Variants in FLNC observed in about 807,000 individuals in gnomAD.
The protein encoded by FLNC is filamin C.
FLNC carries 91 observed loss-of-function variants against 254.3 expected under a neutral mutation model. That is an observed-to-expected ratio of 0.36 (90% CI 0.30 to 0.43). The LOEUF is 0.43. FLNC is among the 20% of genes least tolerant of loss of function. The probability of loss-of-function intolerance (pLI) is 1.00; values close to 1 mark genes in which losing one functional copy is unlikely to be tolerated. For synonymous variants in FLNC, 1,430 were observed against 1,577.2 expected (o/e 0.91, Z 2.21); for missense variants, 2,853 against 3,802.6 (o/e 0.75, Z 6.57).
chr7:128,853,767 CA>C lies in FLNC; in HGVS notation c.6415del (p.Thr2139ProfsTer36). The C allele has an allele frequency of 6.2e-7, 1 of 1,613,854 alleles. No homozygotes were observed. Among genetic ancestry groups the C allele is most frequent in the Non-Finnish European group, 8.5e-7 (1 of 1,180,048 alleles). ...GCGAGGGCCGCATGAAGGAGAGCATCACCCGGCGGAGACAGGCACCTTCCAT... is the reference window on the plus strand; with the variant it reads ...GCGAGGGCCGCATGAAGGAGAGCATCCCCGGCGGAGACAGGCACCTTCCAT... Reference protein sequence around the residue: ...TGEGRMKESITRRRQAPSIAT... With the variant: ...TGEGRMKESIXRRRQAPSIAT... On this transcript the variant is annotated frameshift_variant, in exon 39 of 48. Coordinates refer to ENST00000325888, the MANE Select transcript of FLNC (RefSeq NM_001458.5). LOFTEE classifies it high-confidence loss of function.
At chr7:128,840,808 T>A (rs1451556298) in intron 10 of FLNC, 26 bp from the exon 11 acceptor site, 2 of 1,613,490 alleles carry the variant, frequency 1.2e-6, no homozygotes, top group Non-Finnish European at 8.5e-7. Flanking sequence ...CTTCCTGGCA[T>A]GGACACCAGC....
intron 42 of FLNC, 95 bp from the exon 43 acceptor site, chr7:128,855,103 AC>A: frequency 9.2e-7 from 1 of 1,090,218 alleles, no homozygotes; most frequent in Non-Finnish European, 1.4e-6. Context: ...CTGAGCGCTG[AC>A]CACAGAGCCT....
chr7:128,850,099 G>GTCC lies in FLNC; in HGVS notation c.5298+38_5298+40dup, dbSNP rs760737244. ...GGTACTGCGCCTCCCACCAGGCGATGTCCTCCTCCTCCTCCCCTTCCTTCA... is the reference window on the plus strand; with the variant it reads ...GGTACTGCGCCTCCCACCAGGCGATGTCCTCCTCCTCCTCCTCCCCTTCCTTCA... On this transcript the variant is annotated intron_variant, in intron 31 of 47. Coordinates refer to ENST00000325888, the MANE Select transcript of FLNC (RefSeq NM_001458.5). 11 of 1,476,384 alleles carry GTCC rather than the reference G, an allele frequency of 7.5e-6. No homozygotes were observed. In the East Asian group the frequency reaches 2.5e-4, roughly 33 times the overall value. 91.5% of individuals were successfully genotyped at this position (1,476,384 alleles called of 1,614,324 possible).
At chr7:128,853,325 G>A (rs561460579) in intron 37 of FLNC, 144 bp from the exon 38 acceptor site, 6 of 1,036,284 alleles carry the variant, frequency 5.8e-6, no homozygotes, top group South Asian at 4.2e-5. Context: ...TGGTGCCCCC[G>A]CTCCTCCCAC....
Position 128,838,493 on chromosome 7 carries a change from G to A in FLNC, c.1210+64G>A, listed in dbSNP as rs906565119. 10 of 1,600,476 alleles carry A rather than the reference G, an allele frequency of 6.2e-6. No individual in the cohort carries two copies. The African/African-American group carries it at 1.3e-4, about 21-fold the overall frequency. Reference sequence around the variant, plus strand: ...GACCATGTGGGGCTGTGTGGGGGTGGGGGGAGGCTGGGACAGGGATGCCAG... The same window carrying A: ...GACCATGTGGGGCTGTGTGGGGGTGAGGGGAGGCTGGGACAGGGATGCCAG... On this transcript the variant is annotated intron_variant, in intron 7 of 47. Transcript: ENST00000325888.
At chr7:128,852,794 A>G (rs1808876794) in intron 36 of FLNC, 34 bp from the exon 37 acceptor site, 24 of 1,613,602 alleles carry the variant, frequency 1.5e-5, no homozygotes, top group Non-Finnish European at 1.9e-5. Context: ...GTGGGGGCCC[A>G]CAGGATGCTC....
rs1241565627 is a variant in FLNC, at chr7:128,856,776, G to C, written c.7416G>C (p.Glu2472Asp). ...ACACCATCCGCTTCATCCCCCACGA[G>C]AATGGCGTCCACTCCATCGATGTCA... ...DKHTIRFIPH[E>D]NGVHSIDVKF... Residue 2472 changes from glutamate (E) to aspartate (D), a missense_variant, in exon 45 of 48, where the codon GAG becomes GAC. Glu to Asp is a conservative substitution (Grantham distance 45, BLOSUM62 2). Transcript: ENST00000325888. This position sits in a 1 kb window ranked among gnomAD's most constrained non-coding sequence, Gnocchi z 5.9. 6.2e-7 allele frequency: 1 copy of C among 1,614,224 alleles called. No homozygotes were observed. The highest frequency in any genetic ancestry group is 1.7e-5 in the Admixed American group (1 of 60,024).
chr7:128,855,346 T>C, intron 43 of FLNC, 32 bp downstream of exon 43: 1 of 1,399,862 alleles, frequency 7.1e-7, no homozygotes, highest in Non-Finnish European at 1.0e-6. Context: ...GGAGGGTTTC[T>C]GCTATCTGAG....
At chr7:128,849,289 TC>T in intron 29 of FLNC, 41 bp from the exon 30 acceptor site, 1 of 1,613,978 alleles carries the variant, frequency 6.2e-7, no homozygotes, top group Non-Finnish European at 8.5e-7. Context: ...GAGGGCTGGC[TC>T]CAGCCCACCA....
Position 128,849,331 on chromosome 7 carries a change from G to A in FLNC, c.4952G>A (p.Gly1651Asp), listed in dbSNP as rs762493974. 9.9e-6 allele frequency: 16 copies of A among 1,614,012 alleles called. No individual in the cohort carries two copies. In the Admixed American group the frequency reaches 2.7e-4, roughly 27 times the overall value. The part of the protein sequence containing the change: ...VTVSIGGHGL[G>D]ACLGPRIQIG... The stretch of plus-strand genomic sequence containing the variant: ...CTGAGCAGGATCTCCCGCATGGCAG[G>A]TGCCTGCCTGGGCCCTCGAATCCAG... The change falls in exon 30 of 48, where the codon GGT becomes GAT. Residue 1651 changes from glycine (G) to aspartate (D), a missense_variant and splice_region_variant. Physicochemically the swap from Gly to Asp is moderately conservative, Grantham distance 94 (BLOSUM62 -1). Transcript: ENST00000325888.
At position 128,855,289 on chromosome 7, in the gene FLNC, G is replaced by A. The variant is rs767279710; in HGVS notation, c.7226G>A (p.Arg2409His). Residue 2409 changes from arginine (R) to histidine (H), a missense_variant, in exon 43 of 48, where the codon CGC (arginine) becomes CAC (histidine). By Grantham distance (29) the Arg-to-His change is conservative (BLOSUM62 0). Around this residue, in one of 10 missense-constraint regions of FLNC, gnomAD observed 551 missense variants for 835.0 expected, o/e 0.66. Coordinates refer to ENST00000325888, the MANE Select transcript of FLNC (RefSeq NM_001458.5). ...GTGGCCTCCCTCTCGGATGACGCTC[G>A]CCGTCTCACTGTCACCAGCCTCCAG... ...VPVASLSDDARRLTVTSLQET... is the reference protein window; with the variant it reads ...VPVASLSDDAHRLTVTSLQET... 3.4e-5 allele frequency: 55 copies of A among 1,612,656 alleles called. No homozygotes were observed. The highest frequency in any genetic ancestry group is 5.0e-5 in the Admixed American group (3 of 60,008).
Position 128,843,279 on chromosome 7 carries a change from C to A in FLNC, c.2601C>A (p.Ala867=), listed in dbSNP as rs1808416280. 7.4e-6 allele frequency: 12 copies of A among 1,612,156 alleles called. No individual in the cohort carries two copies. The highest frequency in any genetic ancestry group is 1.0e-5 in the Non-Finnish European group (12 of 1,179,124). Reference sequence around the variant, plus strand: ...TCAAGGTGGACCCATCCCACGATGCCAGCAAAGTCAAGGCCGAGGGCCCTG... The same window carrying A: ...TCAAGGTGGACCCATCCCACGATGCAAGCAAAGTCAAGGCCGAGGGCCCTG... ...FHIKVDPSHD[A]SKVKAEGPGL... The change falls in exon 17 of 48, where the codon GCC becomes GCA. Residue 867 remains alanine (A), a synonymous_variant. Transcript: ENST00000325888.
intron 23 of FLNC, 102 bp from the exon 24 acceptor site, chr7:128,846,643 C>T (rs1402078063): frequency 4.4e-5 from 60 of 1,371,092 alleles, no homozygotes; most frequent in Non-Finnish European, 5.7e-5. Context: ...TCAGCTGGGT[C>T]CCCAGCGGCC....
chr7:128,846,216 C>T (rs1190942691), intron 22 of FLNC, 53 bp downstream of exon 22: 88 of 1,612,484 alleles, frequency 5.5e-5, no homozygotes, highest in South Asian at 1.3e-4. Context: ...TGGGCAGGGC[C>T]GGGATCTGAT....
Position 128,856,983 on chromosome 7 carries a change from C to T in FLNC, c.7561+62C>T. ...GGGGTGCTTGGCCACTAGTCTGGTGCTGCTTTGCTCCAGAGGTAGGGGCCC... is the reference window on the plus strand; with the variant it reads ...GGGGTGCTTGGCCACTAGTCTGGTGTTGCTTTGCTCCAGAGGTAGGGGCCC... On this transcript the variant is annotated intron_variant, in intron 45 of 47. Transcript: ENST00000325888. This position sits in a 1 kb window ranked among gnomAD's most constrained non-coding sequence, Gnocchi z 5.9. 6.3e-7 allele frequency: 1 copy of T among 1,590,840 alleles called. No homozygotes were observed. The highest frequency in any genetic ancestry group is 8.6e-7 in the Non-Finnish European group (1 of 1,160,974).
intron 1 of FLNC, among the ~76,000 whole-genome samples, chr7:128,831,458 C>T (rs1251341914): frequency 1.3e-5 from 2 of 152,216 alleles, no homozygotes; most frequent in Non-Finnish European, 2.9e-5. Context: ...GGTCCCCAAC[C>T]ACTGCCCGCG....
At chr7:128,848,463 C>A in intron 26 of FLNC, 98 bp from the exon 27 acceptor site, 1 of 1,280,526 alleles carries the variant, frequency 7.8e-7, no homozygotes, top group Non-Finnish European at 1.1e-6. Flanking sequence ...CTCCCTCCTG[C>A]CCATGTCTAT....
chr7:128,841,164 C>T lies in FLNC; in HGVS notation c.1814-6C>T. 6.2e-7 allele frequency: 1 copy of T among 1,613,466 alleles called. No individual in the cohort carries two copies. Among genetic ancestry groups the T allele is most frequent in the Non-Finnish European group, 8.5e-7 (1 of 1,179,904 alleles). On this transcript the variant is annotated splice_region_variant and splice_polypyrimidine_tract_variant and intron_variant, in intron 11 of 47. Transcript: ENST00000325888. This position sits in a 1 kb window ranked among gnomAD's most constrained non-coding sequence, Gnocchi z 4.3. ...GGATCCCCGACCCTCCCCCACCTTG[C>T]CCCAGGCTTCTCCATCGAGGGGCCC...
chr7:128,852,770 C>T lies in FLNC; in HGVS notation c.6004+18C>T, dbSNP rs1393131696. 12 of 1,613,328 alleles carry T rather than the reference C, an allele frequency of 7.4e-6. No individual in the cohort carries two copies. Among genetic ancestry groups the T allele is most frequent in the African/African-American group, 4.0e-5 (3 of 75,028 alleles). On this transcript the variant is annotated intron_variant, in intron 36 of 47. Coordinates refer to ENST00000325888, the MANE Select transcript of FLNC (RefSeq NM_001458.5). Reference sequence around the variant, plus strand: ...GCACATTGGTGAGCGTGGGGCCTCACGGGGACCTCAGGGGTGGGGGCCCAC... The same window carrying T: ...GCACATTGGTGAGCGTGGGGCCTCATGGGGACCTCAGGGGTGGGGGCCCAC...
Sources: gnomAD v4.1 joint callset for allele counts (sites outside exome capture counted in the v4.1 genomes callset) on GRCh38, gnomAD v4.1.1 for gene constraint, gnomAD v4.1.1 regional missense constraint, Gnocchi (gnomAD v3.1) non-coding constraint, MANE v1.5 for transcripts, NCBI Gene and HGNC (gene_info 2026-07-23, HGNC 2026-07-21) for gene names.